The following CHCHD3 variants were observed in gnomAD, a reference collection of about 807,000 sequenced individuals.
The protein encoded by CHCHD3 is coiled-coil-helix-coiled-coil-helix domain containing 3, also known as MICOS complex subunit MIC19.
A neutral mutation model predicts 38.2 loss-of-function variants in CHCHD3; 20 were observed. The ratio of observed to expected loss-of-function variants is 0.52; its 90% CI spans 0.37 to 0.76. CHCHD3 has a LOEUF of 0.76. Ranked by LOEUF, CHCHD3 falls within the 30% of genes least tolerant of loss-of-function variation. The pLI is 0.00. For missense variants in CHCHD3, 245 were observed against 279.2 expected, an observed-to-expected ratio of 0.88 and a Z score of 0.87; for synonymous variants, 82 against 100.0, an observed-to-expected ratio of 0.82 and a Z score of 1.07.
chr7:132,817,157 G>C (rs554181691), intron 6 of CHCHD3, among the ~76,000 whole-genome samples: 1 of 151,942 alleles, frequency 6.6e-6, no homozygotes, highest in African/African-American at 2.4e-5. Flanking sequence ...TCTGCTTTAT[G>C]AAGAGTTGAA....
chr7:132,827,700 C>T (rs1365784425), intron 6 of CHCHD3, among the ~76,000 whole-genome samples: 2 of 152,192 alleles, frequency 1.3e-5, no homozygotes, highest in Non-Finnish European at 2.9e-5. Context: ...GGTCCCTTTC[C>T]AATCAAATCT....
chr7:132,885,716 C>T lies in CHCHD3; in HGVS notation c.399G>A (p.Val133=). 1 of 1,608,824 alleles carries T rather than the reference C, an allele frequency of 6.2e-7. No homozygotes were observed. The highest frequency in any genetic ancestry group is 8.5e-7 in the Non-Finnish European group (1 of 1,178,194). The change falls in exon 5 of 8, where the codon GTG becomes GTA. Residue 133 remains valine (V), a synonymous_variant. Transcript: ENST00000262570. ...TGTAGAATGCATCCTGCTTCTTTAGCACTCGGTCTTTCTCTTCCAGCTGCC... is the reference window on the plus strand; with the variant it reads ...TGTAGAATGCATCCTGCTTCTTTAGTACTCGGTCTTTCTCTTCCAGCTGCC... ...LARQLEEKDR[V]LKKQDAFYKE...
At chr7:132,820,205 T>G (rs886592058) in intron 6 of CHCHD3, among the ~76,000 whole-genome samples, 1 of 152,128 alleles carries the variant, frequency 6.6e-6, no homozygotes, top group African/African-American at 2.4e-5. Context: ...ACCAAACACA[T>G]AACTTTGGCT....
chr7:132,846,690 T>C (rs1199590558), intron 5 of CHCHD3, among the ~76,000 whole-genome samples: 1 of 152,184 alleles, frequency 6.6e-6, no homozygotes, highest in Non-Finnish European at 1.5e-5. Context: ...GAAATAATGT[T>C]AGAGTGACAC....
intron 5 of CHCHD3, among the ~76,000 whole-genome samples, chr7:132,881,120 A>G (rs758641909): frequency 6.6e-6 from 1 of 152,202 alleles, no homozygotes; most frequent in Non-Finnish European, 1.5e-5. Flanking sequence ...CTTCTCTCTC[A>G]GTAAAGTGTC....
intron 3 of CHCHD3, among the ~76,000 whole-genome samples, chr7:133,006,414 C>T (rs951097642): frequency 2.6e-5 from 4 of 152,018 alleles, no homozygotes; most frequent in African/African-American, 9.7e-5. Context: ...TTGCAGTGAG[C>T]TGAGATCGCG....
chr7:132,886,876 A>G, intron 4 of CHCHD3: 1 of 700,278 alleles, frequency 1.4e-6, no homozygotes, highest in Non-Finnish European at 2.0e-6. Context: ...ATGATCAAGT[A>G]TTGTCTGTTT....
chr7:132,842,319 C>G (rs1417832683), intron 5 of CHCHD3, among the ~76,000 whole-genome samples: 1 of 152,110 alleles, frequency 6.6e-6, no homozygotes, highest in Non-Finnish European at 1.5e-5. Context: ...AGCAAACATA[C>G]TCTCTTCATT....
chr7:132,920,958 A>G (rs1421409755), intron 4 of CHCHD3, among the ~76,000 whole-genome samples: 1 of 152,124 alleles, frequency 6.6e-6, no homozygotes, highest in African/African-American at 2.4e-5. Context: ...TTTTCTGTCC[A>G]CTTACCTCCA....
chr7:132,989,299 C>G (rs1288198383), intron 3 of CHCHD3, among the ~76,000 whole-genome samples: 1 of 152,150 alleles, frequency 6.6e-6, no homozygotes, highest in African/African-American at 2.4e-5. Flanking sequence ...AGGTTTCCTT[C>G]CTTTCCAAAG....
At chr7:132,963,671 AC>A (rs1216171606) in intron 4 of CHCHD3, among the ~76,000 whole-genome samples, 3 of 147,590 alleles carry the variant, frequency 2.0e-5, no homozygotes, top group Non-Finnish European at 4.5e-5. Context: ...CTCTACCTTT[AC>A]CCTATGCAAC....
chr7:132,940,011 G>C (rs1369492034), intron 4 of CHCHD3, among the ~76,000 whole-genome samples: 1 of 152,118 alleles, frequency 6.6e-6, no homozygotes, highest in African/African-American at 2.4e-5. Flanking sequence ...TTATCTAAAA[G>C]GCGTGAGTGA....
At chr7:133,052,013 G>C (rs1814184021) in intron 2 of CHCHD3, 3 of 152,312 alleles carry the variant, frequency 2.0e-5, no homozygotes, top group Admixed American at 2.0e-4. Context: ...TGGTTATAAG[G>C]TTGAGATAGA....
intron 4 of CHCHD3, among the ~76,000 whole-genome samples, chr7:132,934,270 C>T (rs1243283642): frequency 6.6e-6 from 1 of 152,144 alleles, no homozygotes; most frequent in African/African-American, 2.4e-5. Flanking sequence ...CTCTACACAC[C>T]GCATTTGGTT....
At chr7:132,949,795 C>T (rs903312802) in intron 4 of CHCHD3, among the ~76,000 whole-genome samples, 5 of 152,066 alleles carry the variant, frequency 3.3e-5, no homozygotes, top group Admixed American at 6.6e-5. Flanking sequence ...ACCACCTCTT[C>T]ACAAAGGAGT....
At chr7:132,889,031 T>C (rs535952974) in intron 4 of CHCHD3, among the ~76,000 whole-genome samples, 1 of 152,128 alleles carries the variant, frequency 6.6e-6, no homozygotes, top group Non-Finnish European at 1.5e-5. Context: ...TTAGTACTTC[T>C]GTGATCAGAA....
intron 5 of CHCHD3, among the ~76,000 whole-genome samples, chr7:132,883,737 A>C (rs1048098384): frequency 6.6e-6 from 1 of 152,188 alleles, no homozygotes; most frequent in Non-Finnish European, 1.5e-5. Context: ...TAAAATATTT[A>C]CTATCCAGCC....
At chr7:132,832,404 T>G (rs969944857) in intron 6 of CHCHD3, among the ~76,000 whole-genome samples, 1 of 152,224 alleles carries the variant, frequency 6.6e-6, no homozygotes, top group Non-Finnish European at 1.5e-5. Context: ...TAGAAGTGCT[T>G]CTTCTTTCAC....
At chr7:133,005,576 C>T (rs911251758) in intron 3 of CHCHD3, among the ~76,000 whole-genome samples, 6 of 152,152 alleles carry the variant, frequency 3.9e-5, no homozygotes, top group African/African-American at 1.2e-4. Context: ...CACTGATTTT[C>T]GCTTCTCATG....
Sources: allele counts gnomAD v4.1 joint callset (sites outside exome capture counted in the v4.1 genomes callset), GRCh38; gene constraint gnomAD v4.1.1; transcripts MANE v1.5; gene names NCBI Gene and HGNC (gene_info 2026-07-23, HGNC 2026-07-21).